LRRC4B: variants seen among roughly 807,000 people sequenced by gnomAD.
LRRC4B encodes leucine-rich repeat-containing protein 4B.
A neutral mutation model predicts 7.3 loss-of-function variants in LRRC4B; 1 was observed. That is an observed-to-expected ratio of 0.14 (90% CI 0.05 to 0.65). The LOEUF (loss-of-function observed/expected upper bound fraction) is 0.65, where lower values mean the gene tolerates loss of function less well. LRRC4B is among the 30% of genes least tolerant of loss of function. The probability of loss-of-function intolerance (pLI) is 0.84; values close to 1 mark genes in which losing one functional copy is unlikely to be tolerated. For missense variants in LRRC4B, 730 were observed against 1,041.6 expected (o/e 0.70, Z 4.12); for synonymous variants, 500 against 499.2 (o/e 1.00, Z -0.02).
intron 1 of LRRC4B, among the ~76,000 whole-genome samples, chr19:50,549,465 CCT>C (rs1981961358): frequency 1.3e-5 from 2 of 152,306 alleles, no homozygotes; most frequent in African/African-American, 2.4e-5. Flanking sequence ...TCCCCCACCC[CCT>C]GTGCCCTCAG....
Position 50,517,717 on chromosome 19 carries a change from C to A in LRRC4B, c.1996G>T (p.Val666Leu). ...ERDHLNHHHY[V>L]AAAFKAHYSS... ...TAGTGCGCCTTGAAGGCGGCAGCCA[C>A]GTAGTGGTGGTGGTTGAGGTGGTCT... The change falls in exon 3 of 3, where the codon GTG (valine) becomes TTG (leucine). Residue 666 changes from valine (V) to leucine (L), a missense_variant. Physicochemically the swap from Val to Leu is conservative, Grantham distance 32. Coordinates refer to ENST00000652263, the MANE Select transcript of LRRC4B (RefSeq NM_001080457.2). The surrounding 1 kb of genome is among the most constrained non-coding windows in gnomAD (Gnocchi z 6.6). 1 of 1,554,108 alleles carries A rather than the reference C, an allele frequency of 6.4e-7. No individual in the cohort carries two copies.
rs761783087 is a variant in LRRC4B, at chr19:50,518,136, C to A, written c.1577G>T (p.Arg526Leu). Residue 526 changes from arginine to leucine, a missense_variant, in exon 3 of 3, where the codon CGG becomes CTG. By Grantham distance (102) the Arg-to-Leu change is moderately radical. Transcript: ENST00000652263. ...PTTDGVWGGG[R>L]PGDAAGPASS... ...GGCAGGGCCGGCCGCGTCCCCAGGC[C>A]GGCCCCCACCCCAGACACCGTCTGT... 5 of 1,597,820 alleles carry A rather than the reference C, an allele frequency of 3.1e-6. No homozygotes were observed. The highest frequency in any genetic ancestry group is 4.3e-6 in the Non-Finnish European group (5 of 1,175,510).
In LRRC4B at chr19:50,518,437, C is replaced by G. The variant is rs772306453; in HGVS notation, c.1276G>C (p.Val426Leu). ...LHDGTLNFTNVTVQDTGQYTC... is the reference protein window; with the variant it reads ...LHDGTLNFTNLTVQDTGQYTC... ...TACTGGCCCGTGTCCTGCACGGTGA[C>G]GTTGGTGAAGTTAAGCGTGCCGTCA... Residue 426 changes from valine (V) to leucine (L), a missense_variant, in exon 3 of 3, where the codon GTC (valine) becomes CTC (leucine). This residue lies in a region of LRRC4B where 192 missense variants were observed against 228.6 expected (regional missense o/e 0.84). Transcript: ENST00000652263. The G allele has an allele frequency of 6.4e-7, 1 of 1,553,220 alleles. No individual in the cohort carries two copies. Among genetic ancestry groups the G allele is most frequent in the Non-Finnish European group, 8.7e-7 (1 of 1,150,972 alleles).
At chr19:50,554,396 C>A (rs1285895050) in intron 1 of LRRC4B, among the ~76,000 whole-genome samples, 2 of 152,066 alleles carry the variant, frequency 1.3e-5, no homozygotes, top group African/African-American at 4.8e-5. Context: ...ATGGCTAAGT[C>A]CCAGATACTA....
rs1247416793 is a variant in LRRC4B, at chr19:50,555,133, A to G, written c.-35-6260T>C. Among the ~76,000 whole-genome samples the G allele has an allele frequency of 6.6e-6, 1 of 152,118 alleles. No homozygotes were observed. Among genetic ancestry groups the G allele is most frequent in the Non-Finnish European group, 1.5e-5 (1 of 68,022 alleles). On this transcript the variant is annotated intron_variant, in intron 1 of 2. Coordinates refer to ENST00000652263, the MANE Select transcript of LRRC4B (RefSeq NM_001080457.2). This position sits in a 1 kb window ranked among gnomAD's most constrained non-coding sequence, Gnocchi z 5.2. ...CCCCTAGTAGTGATGGGAAATACTG[A>G]TTACATGTGGGTGCCATGCTATCCA...
intron 2 of LRRC4B, among the ~76,000 whole-genome samples, chr19:50,544,310 T>G (rs1279576217): frequency 2.0e-5 from 3 of 151,222 alleles, no homozygotes; most frequent in Admixed American, 6.6e-5. Context: ...ATCAAGACCA[T>G]CCTGGCTAAC....
intron 1 of LRRC4B, among the ~76,000 whole-genome samples, chr19:50,559,146 A>AAAAAGG (rs1013015558): frequency 6.6e-6 from 1 of 151,528 alleles, no homozygotes; most frequent in Non-Finnish European, 1.5e-5. Context: ...AAAGAAAAAG[A>AAAAAGG]AAAGAGGGCC....
chr19:50,567,874 C>T (rs1258297918), intron 1 of LRRC4B, 70 bp downstream of exon 1: 2 of 128,898 alleles, frequency 1.6e-5, no homozygotes, highest in African/African-American at 5.8e-5. Flanking sequence ...TAGCGAATGC[C>T]CCCCACCCAC....
intron 1 of LRRC4B, among the ~76,000 whole-genome samples, chr19:50,560,091 C>T (rs1982417193): frequency 6.6e-6 from 1 of 152,172 alleles, no homozygotes; most frequent in Non-Finnish European, 1.5e-5. Context: ...GCCGAGATCG[C>T]ACCACTGTAC....
chr19:50,521,718 G>C (rs1392127063), intron 2 of LRRC4B, among the ~76,000 whole-genome samples: 1 of 151,872 alleles, frequency 6.6e-6, no homozygotes, highest in Non-Finnish European at 1.5e-5. Context: ...GAGCCACCGT[G>C]CCCAGCCAAT....
Position 50,518,293 on chromosome 19 carries a change from T to C in LRRC4B, c.1420A>G (p.Ser474Gly), listed in dbSNP as rs1158724022. ...TGSGGGGPGG[S>G]GGVGGGSGGY... Reference sequence around the variant, plus strand: ...CCACTGCCCCCTCCAACACCACCACTGCCCCCAGGGCCGCCCCCGCCGCTG... The same window carrying C: ...CCACTGCCCCCTCCAACACCACCACCGCCCCCAGGGCCGCCCCCGCCGCTG... The change falls in exon 3 of 3, where the codon AGT (serine) becomes GGT (glycine). Residue 474 changes from serine (S) to glycine (G), a missense_variant. By Grantham distance (56) the Ser-to-Gly change is moderately conservative (BLOSUM62 0). Coordinates refer to ENST00000652263, the MANE Select transcript of LRRC4B (RefSeq NM_001080457.2). 6.3e-7 allele frequency: 1 copy of C among 1,599,382 alleles called. No individual in the cohort carries two copies.
At chr19:50,561,165 C>G (rs1427145987) in intron 1 of LRRC4B, among the ~76,000 whole-genome samples, 1 of 152,114 alleles carries the variant, frequency 6.6e-6, no homozygotes, top group Non-Finnish European at 1.5e-5. Flanking sequence ...ACTCAGCCCC[C>G]TCCCCACCCA....
At position 50,541,878 on chromosome 19, in the gene LRRC4B, A is replaced by G. The variant is rs547040314; in HGVS notation, c.297+6664T>C. ...AGCCTCCGGGACGTCCAGTCTCATC[A>G]GGAAGCAGTGGGGGACTTGGCAGAT... On this transcript the variant is annotated intron_variant, in intron 2 of 2. Coordinates refer to ENST00000652263, the MANE Select transcript of LRRC4B (RefSeq NM_001080457.2). Among the ~76,000 whole-genome samples the G allele has an allele frequency of 2.4e-3, 367 of 152,270 alleles. 1 individual carries two copies. The highest frequency in any genetic ancestry group is 8.4e-3 in the African/African-American group (349 of 41,550).
chr19:50,564,720 G>A (rs1017495869), intron 1 of LRRC4B, among the ~76,000 whole-genome samples: 6 of 152,010 alleles, frequency 3.9e-5, no homozygotes, highest in African/African-American at 1.5e-4. Context: ...AGTGGGGTGA[G>A]AAGGGATGAA....
chr19:50,518,259 G>T lies in LRRC4B; in HGVS notation c.1454C>A (p.Thr485Asn). 1 of 1,602,436 alleles carries T rather than the reference G, an allele frequency of 6.2e-7. No individual in the cohort carries two copies. The highest frequency in any genetic ancestry group is 8.5e-7 in the Non-Finnish European group (1 of 1,175,412). ...GGVGGGSGGY[T>N]YFTTVTVETL... ...CTCCACGGTCACCGTGGTGAAGTAG[G>T]TGTAGCCGCCACTGCCCCCTCCAAC... Residue 485 changes from threonine to asparagine, a missense_variant, in exon 3 of 3, where the codon ACC (threonine) becomes AAC (asparagine). Around this residue, in one of 6 missense-constraint regions of LRRC4B, gnomAD observed 192 missense variants for 228.6 expected, o/e 0.84. Transcript: ENST00000652263.
At chr19:50,528,112 A>T (rs1448897229) in intron 2 of LRRC4B, among the ~76,000 whole-genome samples, 2 of 151,620 alleles carry the variant, frequency 1.3e-5, no homozygotes, top group Non-Finnish European at 2.9e-5. Context: ...CTGTGATCAT[A>T]ACTCACTGCA....
chr19:50,541,387 A>C (rs763215661), intron 2 of LRRC4B, among the ~76,000 whole-genome samples: 1 of 150,024 alleles, frequency 6.7e-6, no homozygotes, highest in Non-Finnish European at 1.5e-5. Flanking sequence ...AAAAAAAAGA[A>C]AAAGAAAAAG....
Position 50,518,117 on chromosome 19 carries a change from G to A in LRRC4B, c.1596C>T (p.Gly532=). 6.3e-7 allele frequency: 1 copy of A among 1,593,784 alleles called. No homozygotes were observed. The highest frequency in any genetic ancestry group is 8.5e-7 in the Non-Finnish European group (1 of 1,174,258). ...GTGCCGTGGTAGAAGACGAGGCAGG[G>A]CCGGCCGCGTCCCCAGGCCGGCCCC... The part of the protein sequence containing the change: ...WGGGRPGDAA[G]PASSSTTAPA... Residue 532 remains glycine, a synonymous_variant, in exon 3 of 3, where the codon GGC becomes GGT. Coordinates refer to ENST00000652263, the MANE Select transcript of LRRC4B (RefSeq NM_001080457.2).
chr19:50,566,435 C>G (rs1982631172), intron 1 of LRRC4B, among the ~76,000 whole-genome samples: 1 of 151,404 alleles, frequency 6.6e-6, no homozygotes, highest in African/African-American at 2.4e-5. Flanking sequence ...CAGCTGGGCT[C>G]TCCCCAGGGG....
Sources: gnomAD v4.1 joint callset for allele counts (sites outside exome capture counted in the v4.1 genomes callset) on GRCh38, gnomAD v4.1.1 for gene constraint, gnomAD v4.1.1 regional missense constraint, Gnocchi (gnomAD v3.1) non-coding constraint, MANE v1.5 for transcripts, NCBI Gene and HGNC (gene_info 2026-07-23, HGNC 2026-07-21) for gene names.